The following MKX variants were observed in gnomAD, a reference collection of about 807,000 sequenced individuals.
The protein encoded by MKX is homeobox protein Mohawk.
MKX carries 13 observed loss-of-function variants against 36.0 expected under a neutral mutation model. The observed-to-expected ratio is 0.36, with a 90% CI of 0.24 to 0.57. The LOEUF (loss-of-function observed/expected upper bound fraction) is 0.57. MKX is among the 20% of genes least tolerant of loss of function. The probability of loss-of-function intolerance (pLI) is 0.79; values close to 1 mark genes in which losing one functional copy is unlikely to be tolerated. For missense variants in MKX, 458 were observed against 456.4 expected (o/e 1.00, Z -0.03); for synonymous variants, 176 against 178.3 (o/e 0.99, Z 0.10).
rs1172888625 is a variant in MKX at position 27,672,950 on chromosome 10, C to T, written c.*2279G>A. On this transcript the variant is annotated 3_prime_UTR_variant, in exon 7 of 7. Coordinates refer to ENST00000419761, the MANE Select transcript of MKX (RefSeq NM_173576.3). The stretch of plus-strand genomic sequence containing the variant: ...GTTATTAATTTTATTAAAATGATTA[C>T]ATATGGCAAAACAAAGAATAGAGGT... The T allele has an allele frequency of 1.3e-5, 2 of 152,172 alleles. No homozygotes were observed. The highest frequency in any genetic ancestry group is 2.9e-5 in the Non-Finnish European group (2 of 68,034). The allele number at this position is 152,172 out of a possible 1,614,324, so 9.4% of individuals were successfully genotyped here.
At chr10:27,727,398 A>G (rs1388900087) in intron 5 of MKX, among the ~76,000 whole-genome samples, 1 of 152,224 alleles carries the variant, frequency 6.6e-6, no homozygotes, top group Non-Finnish European at 1.5e-5. Flanking sequence ...GTCTTCCATT[A>G]ATCTCTCAGT....
chr10:27,743,494 G>T lies in MKX; in HGVS notation c.-79C>A. 1 of 1,376,748 alleles carries T rather than the reference G, an allele frequency of 7.3e-7. No individual in the cohort carries two copies. Among genetic ancestry groups the T allele is most frequent in the Non-Finnish European group, 9.6e-7 (1 of 1,039,050 alleles). The allele number at this position is 1,376,748 out of a possible 1,614,324, so 85.3% of individuals were successfully genotyped here. On this transcript the variant is annotated 5_prime_UTR_variant, in exon 2 of 7. Transcript: ENST00000419761. ...GCCGGGAGCTCCGCAGCGGGGCTCG[G>T]CTTCTAGGAGAGGAAGGTGCATCTC...
rs1381700820 is a variant in MKX at position 27,744,108 on chromosome 10, T to C, written c.-82-611A>G. On this transcript the variant is annotated intron_variant, in intron 1 of 6. Transcript: ENST00000419761. The surrounding 1 kb of genome is among the most constrained non-coding windows in gnomAD (Gnocchi z 5.6). ...TTCTGTCCGCCAAGGTCCCCCGGGG[T>C]GAGGTTGGGTTCAAGGACAGGAAAA... 6.6e-6 allele frequency among the ~76,000 whole-genome samples: 1 copy of C among 151,592 alleles called. No homozygotes were observed. The highest frequency in any genetic ancestry group is 1.5e-5 in the Non-Finnish European group (1 of 67,926).
In MKX at chr10:27,685,760, A is replaced by C. The variant is rs145809209; in HGVS notation, c.839-10206T>G. Among the ~76,000 whole-genome samples the C allele has an allele frequency of 7.3e-3, 1,108 of 152,194 alleles. 14 individuals are homozygous for C. Among genetic ancestry groups the C allele is most frequent in the African/African-American group, 0.025 (1,052 of 41,530 alleles). ...CCACCACACCCGGCCCAGTAGAGCG[A>C]TTTCTAATCGAAGTGTGATATCCCT... On this transcript the variant is annotated intron_variant, in intron 5 of 6. Coordinates refer to ENST00000419761, the MANE Select transcript of MKX (RefSeq NM_173576.3).
At chr10:27,729,596 C>T (rs952996428) in intron 5 of MKX, among the ~76,000 whole-genome samples, 8 of 151,874 alleles carry the variant, frequency 5.3e-5, no homozygotes, top group Admixed American at 1.3e-4. Flanking sequence ...CATGAGCCAC[C>T]GCTCCTGGCC....
intron 5 of MKX, among the ~76,000 whole-genome samples, chr10:27,678,240 T>C (rs1165373096): frequency 6.6e-6 from 1 of 152,102 alleles, no homozygotes; most frequent in Non-Finnish European, 1.5e-5. Flanking sequence ...AGAGAACAAG[T>C]CAAGGCTTTC....
In MKX at chr10:27,674,007, TC is replaced by T. The variant is rs1414664388; in HGVS notation, c.*1221del. 2 of 152,180 alleles carry T rather than the reference TC, an allele frequency of 1.3e-5. No homozygotes were observed. The highest frequency in any genetic ancestry group is 1.5e-5 in the Non-Finnish European group (1 of 68,006). 9.4% of individuals were successfully genotyped at this position (152,180 alleles called of 1,614,324 possible). On this transcript the variant is annotated 3_prime_UTR_variant, in exon 7 of 7. Transcript: ENST00000419761. Reference sequence around the variant, plus strand: ...CACTGCTTATTCAAGTTTCAGGTCTTCCCAAGCTGATTGGAATATTATTGTT... The same window carrying T: ...CACTGCTTATTCAAGTTTCAGGTCTTCCAAGCTGATTGGAATATTATTGTT...
intron 5 of MKX, among the ~76,000 whole-genome samples, chr10:27,693,597 A>T (rs1907390): frequency 0.8 from 122,209 of 152,138 alleles, 49,155 homozygotes; most frequent in Admixed American, 0.84. Flanking sequence ...GATTTAAATG[A>T]ATTTAAATGC....
In MKX at chr10:27,675,533, T is replaced by C. The variant is rs1032693684; in HGVS notation, c.860A>G (p.Asn287Ser). The C allele has an allele frequency of 2.5e-6, 4 of 1,613,912 alleles. No homozygotes were observed. The African/African-American group carries it at 4.0e-5, about 16-fold the overall frequency. ...ACATTTTGCTCACCTTTCACCCTTA[T>C]TGGATCCGTTTTCCAGAGTGTCTGT... ...YRTDTLENGSNKGESAANRKG... is the reference protein window; with the variant it reads ...YRTDTLENGSSKGESAANRKG... The change falls in exon 6 of 7, where the codon AAT (asparagine) becomes AGT (serine). Residue 287 changes from asparagine to serine, a missense_variant. By Grantham distance (46) the Asn-to-Ser change is conservative. This residue lies in a region of MKX where 297 missense variants were observed against 304.4 expected (regional missense o/e 0.98). Coordinates refer to ENST00000419761, the MANE Select transcript of MKX (RefSeq NM_173576.3).
rs145517978 is a variant in MKX at position 27,695,475 on chromosome 10, C to T, written c.839-19921G>A. Among the ~76,000 whole-genome samples the T allele has an allele frequency of 4.6e-5, 7 of 151,970 alleles. No homozygotes were observed. The East Asian group carries it at 1.4e-3, about 29-fold the overall frequency. On this transcript the variant is annotated intron_variant, in intron 5 of 6. Coordinates refer to ENST00000419761, the MANE Select transcript of MKX (RefSeq NM_173576.3). ...CTCATATTTTCCATGCACTCAGTAACCAGTTCTATTATCCAGCCAATTTTC... is the reference window on the plus strand; with the variant it reads ...CTCATATTTTCCATGCACTCAGTAATCAGTTCTATTATCCAGCCAATTTTC...
Position 27,676,972 on chromosome 10 carries a change from G to A in MKX, c.839-1418C>T, listed in dbSNP as rs147205973. On this transcript the variant is annotated intron_variant, in intron 5 of 6. Transcript: ENST00000419761. ...AAATATAAAGAACCCACGAAAATGG[G>A]TTCTCAAGCTCCTTAGGCTAAAAGA... 4.5e-3 allele frequency among the ~76,000 whole-genome samples: 684 copies of A among 152,256 alleles called. 15 individuals carry two copies. Among genetic ancestry groups the A allele is most frequent in the African/African-American group, 0.015 (642 of 41,554 alleles).
intron 5 of MKX, among the ~76,000 whole-genome samples, chr10:27,679,577 C>G (rs970535222): frequency 1.3e-5 from 2 of 152,180 alleles, no homozygotes; most frequent in Non-Finnish European, 2.9e-5. Context: ...ATAGCCAACC[C>G]GGCAAAAGGA....
chr10:27,678,658 G>T (rs1022454557), intron 5 of MKX, among the ~76,000 whole-genome samples: 5 of 152,172 alleles, frequency 3.3e-5, no homozygotes, highest in Admixed American at 6.5e-5. Flanking sequence ...ATCAATGCAT[G>T]GAGCCTGCAC....
rs755161075 is a variant in MKX at position 27,743,463 on chromosome 10, T to G, written c.-48A>C. On this transcript the variant is annotated 5_prime_UTR_variant, in exon 2 of 7. Coordinates refer to ENST00000419761, the MANE Select transcript of MKX (RefSeq NM_173576.3). ...CGGCGCGGCCGCAGAGCCTCGGGGC[T>G]GGGCCGCCGGGAGCTCCGCAGCGGG... The G allele has an allele frequency of 2.0e-6, 3 of 1,472,298 alleles. 1 individual carries two copies. The South Asian group carries it at 4.2e-5, about 20-fold the overall frequency. The allele number at this position is 1,472,298 out of a possible 1,614,324, so 91.2% of individuals were successfully genotyped here.
At chr10:27,738,318 C>A (rs974350658) in intron 3 of MKX, among the ~76,000 whole-genome samples, 4 of 152,054 alleles carry the variant, frequency 2.6e-5, no homozygotes, top group African/African-American at 4.8e-5. Context: ...ACTTGTTTTG[C>A]ATTTCTTTCT....
At chr10:27,692,962 G>A (rs1383913070) in intron 5 of MKX, among the ~76,000 whole-genome samples, 1 of 152,230 alleles carries the variant, frequency 6.6e-6, no homozygotes, top group Non-Finnish European at 1.5e-5. Context: ...AAACGACTGA[G>A]GCAGAGCACA....
intron 5 of MKX, among the ~76,000 whole-genome samples, chr10:27,705,352 T>C (rs559853736): frequency 6.6e-6 from 1 of 152,164 alleles, no homozygotes; most frequent in African/African-American, 2.4e-5. Flanking sequence ...ATATCTGTTT[T>C]TTTTGTTTGT....
chr10:27,675,952 G>A (rs936585961), intron 5 of MKX, among the ~76,000 whole-genome samples: 2 of 152,270 alleles, frequency 1.3e-5, no homozygotes, highest in East Asian at 3.9e-4. Context: ...CACAATGTCA[G>A]GGATTCAGTT....
At chr10:27,715,725 A>G (rs1437255969) in intron 5 of MKX, among the ~76,000 whole-genome samples, 2 of 152,114 alleles carry the variant, frequency 1.3e-5, no homozygotes, top group African/African-American at 4.8e-5. Flanking sequence ...GCCCTGGTAT[A>G]AGCTATTTTG....
Sources: gnomAD v4.1 joint callset for allele counts (sites outside exome capture counted in the v4.1 genomes callset) on GRCh38, gnomAD v4.1.1 for gene constraint, gnomAD v4.1.1 regional missense constraint, Gnocchi (gnomAD v3.1) non-coding constraint, MANE v1.5 for transcripts, NCBI Gene and HGNC (gene_info 2026-07-23, HGNC 2026-07-21) for gene names.